Variants in POLN observed in about 807,000 individuals in gnomAD.
POLN encodes DNA polymerase N.
POLN carries 108 observed loss-of-function variants against 113.5 expected under a neutral mutation model. The observed-to-expected ratio is 0.95, with a 90% CI of 0.81 to 1.12. The LOEUF (loss-of-function observed/expected upper bound fraction) is 1.12, where lower values mean the gene tolerates loss of function less well. Ranked by LOEUF, POLN falls within the 50% of genes most tolerant of loss-of-function variation. The probability of loss-of-function intolerance (pLI) is 0.00; values close to 1 mark genes in which losing one functional copy is unlikely to be tolerated. For synonymous variants in POLN, 386 were observed against 391.5 expected, an observed-to-expected ratio of 0.99 and a Z score of 0.17; for missense variants, 1,097 against 1,077.1, an observed-to-expected ratio of 1.02 and a Z score of -0.26.
intron 19 of POLN, among the ~76,000 whole-genome samples, chr4:2,118,018 GCTT>G (rs1731357345): frequency 6.6e-6 from 1 of 152,204 alleles, no homozygotes; most frequent in South Asian, 2.1e-4. Context: ...AATGTGAACA[GCTT>G]CTTACCTATT....
At chr4:2,096,379 C>T (rs926441501) in intron 19 of POLN, among the ~76,000 whole-genome samples, 4 of 152,156 alleles carry the variant, frequency 2.6e-5, no homozygotes, top group Non-Finnish European at 5.9e-5. Flanking sequence ...AGACAGAGGC[C>T]ATGGGGGTGA....
intron 15 of POLN, among the ~76,000 whole-genome samples, chr4:2,157,275 T>C (rs1203398279): frequency 6.6e-6 from 1 of 152,108 alleles, no homozygotes; most frequent in Admixed American, 6.6e-5. Flanking sequence ...AACAGTAACA[T>C]CTTCCTCAAA....
intron 6 of POLN, among the ~76,000 whole-genome samples, chr4:2,198,011 C>T (rs906882522): frequency 2.6e-5 from 4 of 152,168 alleles, no homozygotes; most frequent in African/African-American, 9.7e-5. Context: ...GGAGCAACCC[C>T]GCCTGCTCTA....
chr4:2,148,626 C>T (rs1177519372), intron 16 of POLN, among the ~76,000 whole-genome samples: 2 of 151,894 alleles, frequency 1.3e-5, no homozygotes, highest in African/African-American at 4.8e-5. Context: ...GAGATTGCAC[C>T]ACGGCACTCC....
At position 2,208,206 on chromosome 4, in the gene POLN, T is replaced by C. The variant is rs201184609; in HGVS notation, c.495A>G (p.Ser165=). 4.4e-6 allele frequency: 7 copies of C among 1,601,518 alleles called. No individual in the cohort carries two copies. The African/African-American group carries it at 8.0e-5, about 18-fold the overall frequency. The change falls in exon 5 of 26, where the codon TCA becomes TCG. Residue 165 remains serine (S), a synonymous_variant. Transcript: ENST00000511885. The stretch of plus-strand genomic sequence containing the variant: ...ATGCCATTTGTTTACTTGTTTTCTC[T>C]GACAAATTATTATATGTAATATGTT... ...KRKHITYNNL[S]EKTSKQMALE...
At chr4:2,163,036 A>AC in intron 13 of POLN, among the ~76,000 whole-genome samples, 1 of 150,240 alleles carries the variant, frequency 6.7e-6, no homozygotes, top group African/African-American at 2.5e-5. Flanking sequence ...CCAAAAAAAA[A>AC]AAAAAAAAAA....
chr4:2,138,708 C>T (rs540469460), intron 16 of POLN, among the ~76,000 whole-genome samples: 1 of 152,192 alleles, frequency 6.6e-6, no homozygotes, highest in South Asian at 2.1e-4. Context: ...TCGAGACCAG[C>T]CTGGCCAATA....
At chr4:2,221,933 C>T (rs1734262670) in intron 3 of POLN, among the ~76,000 whole-genome samples, 1 of 152,134 alleles carries the variant, frequency 6.6e-6, no homozygotes, top group Non-Finnish European at 1.5e-5. Context: ...CTTACCAGAC[C>T]GAACCAATTA....
In POLN at chr4:2,156,443, T is replaced by C. The variant is rs760745850; in HGVS notation, c.1731+345A>G. ...CACCAAAAAATGGAGCTGTTCATCA[T>C]AGCATCAGATACTTCAACACATTTC... On this transcript the variant is annotated intron_variant, in intron 16 of 25. Transcript: ENST00000511885. The C allele has an allele frequency of 1.0e-5, 5 of 479,262 alleles. 1 individual carries two copies. The highest frequency in any genetic ancestry group is 6.2e-5 in the South Asian group (4 of 64,712). The allele number at this position is 479,262 out of a possible 1,614,324, so 29.7% of individuals were successfully genotyped here.
chr4:2,076,949 T>G (rs1478635309), intron 23 of POLN: 1 of 152,158 alleles, frequency 6.6e-6, no homozygotes, highest in African/African-American at 2.4e-5. Flanking sequence ...TTTCCCAGGC[T>G]CTCTCTCAGG....
intron 23 of POLN, among the ~76,000 whole-genome samples, chr4:2,075,900 G>A (rs1316363522): frequency 2.0e-5 from 3 of 152,170 alleles, no homozygotes; most frequent in Non-Finnish European, 4.4e-5. Flanking sequence ...GGTTGGTCCC[G>A]TCTGAAGTCT....
chr4:2,115,228 A>ATATATTTTTT (rs72052264), intron 19 of POLN, among the ~76,000 whole-genome samples: 4 of 129,988 alleles, frequency 3.1e-5, no homozygotes, highest in African/African-American at 1.2e-4. Context: ...ATATATATAT[A>ATATATTTTTT]TTTTTTTTTT....
intron 20 of POLN, among the ~76,000 whole-genome samples, chr4:2,095,425 G>C (rs1730762165): frequency 6.6e-6 from 1 of 152,204 alleles, no homozygotes; most frequent in Non-Finnish European, 1.5e-5. Flanking sequence ...GGCCCAGCTG[G>C]GTGAGCTCTG....
intron 2 of POLN, chr4:2,240,991 G>A: frequency 7.1e-7 from 1 of 1,405,640 alleles, no homozygotes. Context: ...TGGGTTTACG[G>A]TGTTGATTTT....
chr4:2,080,987 T>C lies in POLN; in HGVS notation c.2358A>G (p.Ala786=), dbSNP rs1730399736. The change falls in exon 23 of 26, where the codon GCA becomes GCG. Residue 786 remains alanine (A), a synonymous_variant. Transcript: ENST00000511885. ...CKLAMIHVFT[A]VAASHTLTAR... Reference sequence around the variant, plus strand: ...CCGTCAAGGTGTGGGAAGCAGCCACTGCAGTGAAGACATGGATCATGGCCA... The same window carrying C: ...CCGTCAAGGTGTGGGAAGCAGCCACCGCAGTGAAGACATGGATCATGGCCA... 6.2e-7 allele frequency: 1 copy of C among 1,613,756 alleles called. No individual in the cohort carries two copies. The highest frequency in any genetic ancestry group is 1.3e-5 in the African/African-American group (1 of 74,898).
chr4:2,121,185 A>T (rs1321521288), intron 19 of POLN, among the ~76,000 whole-genome samples: 1 of 152,122 alleles, frequency 6.6e-6, no homozygotes, highest in Non-Finnish European at 1.5e-5. Flanking sequence ...CTGTAATCCT[A>T]GCACTCTGGG....
At chr4:2,239,933 ATCTCT>A in intron 2 of POLN, 1 of 827,550 alleles carries the variant, frequency 1.2e-6, no homozygotes, top group Non-Finnish European at 1.9e-6. Context: ...ATAAAATGTA[ATCTCT>A]TCTCAGATGC....
rs201349809 is a variant in POLN, at chr4:2,225,633, AC to A, written c.133+3465del. On this transcript the variant is annotated intron_variant, in intron 3 of 25. Transcript: ENST00000511885. ...TTGTTTGTTTTTTCTAAAAAAAAAA[AC>A]AAACACTTTTCCTAATGTATTACAA... is the stretch of plus-strand genomic sequence containing the variant. Among the ~76,000 whole-genome samples, 1,283 of 151,444 alleles carry A rather than the reference AC, an allele frequency of 8.5e-3. 20 individuals carry two copies. Among genetic ancestry groups the A allele is most frequent in the African/African-American group, 0.03 (1,219 of 41,068 alleles).
chr4:2,191,352 G>A (rs1163261226), intron 7 of POLN, among the ~76,000 whole-genome samples: 3 of 152,078 alleles, frequency 2.0e-5, no homozygotes, highest in Non-Finnish European at 4.4e-5. Flanking sequence ...GCGGTGGGTG[G>A]GATTAAGAGT....
Sources: gnomAD v4.1 joint callset for allele counts (sites outside exome capture counted in the v4.1 genomes callset) on GRCh38, gnomAD v4.1.1 for gene constraint, MANE v1.5 for transcripts, NCBI Gene and HGNC (gene_info 2026-07-23, HGNC 2026-07-21) for gene names.